FAT4: variants seen among roughly 807,000 people sequenced by gnomAD.
The protein encoded by FAT4 is protocadherin Fat 4.
FAT4 carries 84 observed loss-of-function variants against 303.9 expected under a neutral mutation model. That is an observed-to-expected ratio of 0.28 (90% CI 0.23 to 0.33). The LOEUF (loss-of-function observed/expected upper bound fraction) is 0.33, where lower values mean the gene tolerates loss of function less well. Among genes scored for constraint, FAT4 ranks in the 10% least tolerant of loss-of-function variants. The probability of loss-of-function intolerance (pLI) is 1.00; values close to 1 mark genes in which losing one functional copy is unlikely to be tolerated. For synonymous variants in FAT4, 2,307 were observed against 2,298.8 expected, an observed-to-expected ratio of 1.00 and a Z score of -0.10; for missense variants, 6,005 against 6,146.8, an observed-to-expected ratio of 0.98 and a Z score of 0.77.
chr4:125,365,460 T>C (rs9307562), intron 2 of FAT4, among the ~76,000 whole-genome samples: 5,640 of 152,298 alleles, frequency 0.037, 336 homozygotes, highest in African/African-American at 0.13. Context: ...TGTAAATAAA[T>C]GGTGAAGTCT....
rs769768427 is a variant in FAT4, at chr4:125,319,762, G to A, written c.3351G>A (p.Ser1117=). ...FYFEEEQRAG[S]FVGKVSAVDK... ...TCGAAGAAGAGCAGAGGGCTGGGTCGTTTGTGGGCAAAGTAAGTGCTGTAG... is the reference window on the plus strand; with the variant it reads ...TCGAAGAAGAGCAGAGGGCTGGGTCATTTGTGGGCAAAGTAAGTGCTGTAG... The change falls in exon 2 of 18, where the codon TCG becomes TCA. Residue 1117 remains serine (S), a synonymous_variant. Coordinates refer to ENST00000394329, the MANE Select transcript of FAT4 (RefSeq NM_001291303.3). The A allele has an allele frequency of 3.3e-5, 53 of 1,614,076 alleles. No homozygotes were observed. The highest frequency in any genetic ancestry group is 6.7e-5 in the East Asian group (3 of 44,896).
intron 2 of FAT4, among the ~76,000 whole-genome samples, chr4:125,396,920 GTGTGTGTATATATATATATATATATA>G (rs1560797346): frequency 6.8e-5 from 2 of 29,576 alleles, no homozygotes; most frequent in Non-Finnish European, 1.1e-4. Flanking sequence ...ATGTGTATGT[GTGTGTGTATATATATATATATATATA>G]TATATATATA....
intron 2 of FAT4, among the ~76,000 whole-genome samples, chr4:125,381,914 A>G (rs891519360): frequency 1.3e-5 from 2 of 152,290 alleles, no homozygotes; most frequent in East Asian, 3.9e-4. Context: ...CTTCACCAGG[A>G]ATAGGTTCCA....
rs1730837763 is a variant in FAT4, at chr4:125,319,637, G to A, written c.3226G>A (p.Ala1076Thr). Residue 1076 changes from alanine to threonine, a missense_variant, in exon 2 of 18, where the codon GCA becomes ACA. Coordinates refer to ENST00000394329, the MANE Select transcript of FAT4 (RefSeq NM_001291303.3). The stretch of plus-strand genomic sequence containing the variant: ...TTTAATGGTTGTTGCTTCTGACAGA[G>A]CAGTGGAACCCCTTAGTGCTACTGT... ...YVLMVVASDR[A>T]VEPLSATVNV... 1.2e-6 allele frequency: 2 copies of A among 1,613,990 alleles called. No individual in the cohort carries two copies. The highest frequency in any genetic ancestry group is 4.5e-5 in the East Asian group (2 of 44,882).
At chr4:125,331,560 T>C (rs1171024641) in intron 2 of FAT4, among the ~76,000 whole-genome samples, 1 of 152,212 alleles carries the variant, frequency 6.6e-6, no homozygotes, top group Non-Finnish European at 1.5e-5. Flanking sequence ...ACTAATGCTA[T>C]AGATGTTTTG....
chr4:125,432,383 G>T (rs1312048203), intron 7 of FAT4, among the ~76,000 whole-genome samples: 1 of 152,198 alleles, frequency 6.6e-6, no homozygotes, highest in Non-Finnish European at 1.5e-5. Flanking sequence ...GATTTATGGG[G>T]ATTAGATAAG....
Position 125,415,720 on chromosome 4 carries a change from A to C in FAT4, c.6757A>C (p.Asn2253His). 6.2e-7 allele frequency: 1 copy of C among 1,613,992 alleles called. No homozygotes were observed. The highest frequency in any genetic ancestry group is 1.7e-4 in the Middle Eastern group (1 of 6,058). The stretch of plus-strand genomic sequence containing the variant: ...GGTCAGCATTGTTCTACTGGATATT[A>C]ATGACTTTGTTCCTGTATTTGAGCT... ...STVSIVLLDI[N>H]DFVPVFELSP... The change falls in exon 6 of 18, where the codon AAT becomes CAT. Residue 2253 changes from asparagine to histidine, a missense_variant. By Grantham distance (68) the Asn-to-His change is moderately conservative (BLOSUM62 1). Coordinates refer to ENST00000394329, the MANE Select transcript of FAT4 (RefSeq NM_001291303.3).
intron 8 of FAT4, among the ~76,000 whole-genome samples, chr4:125,443,787 G>A (rs1231394770): frequency 6.6e-6 from 1 of 152,110 alleles, no homozygotes; most frequent in Non-Finnish European, 1.5e-5. Flanking sequence ...GGCCAGAGAA[G>A]CAAGAGAGGT....
At chr4:125,370,362 T>C (rs1029937151) in intron 2 of FAT4, among the ~76,000 whole-genome samples, 4 of 152,208 alleles carry the variant, frequency 2.6e-5, no homozygotes, top group Non-Finnish European at 5.9e-5. Flanking sequence ...GAGATTGTGA[T>C]ACATATGACA....
chr4:125,379,069 G>A (rs1357507322), intron 2 of FAT4, among the ~76,000 whole-genome samples: 1 of 152,096 alleles, frequency 6.6e-6, no homozygotes, highest in Non-Finnish European at 1.5e-5. Context: ...ATAGTAAATG[G>A]TTATTGGTCC....
At chr4:125,382,530 G>A (rs895437621) in intron 2 of FAT4, among the ~76,000 whole-genome samples, 1 of 152,172 alleles carries the variant, frequency 6.6e-6, no homozygotes, top group Non-Finnish European at 1.5e-5. Context: ...AACATTTGCT[G>A]TCATCCAGGG....
chr4:125,361,802 T>C (rs1732683479), intron 2 of FAT4, among the ~76,000 whole-genome samples: 1 of 152,154 alleles, frequency 6.6e-6, no homozygotes, highest in Non-Finnish European at 1.5e-5. Context: ...TTCTATGTCT[T>C]CCTACGTCAG....
In FAT4 at chr4:125,444,631, G is replaced by T. The variant is rs140142238; in HGVS notation, c.7200-1662G>T. On this transcript the variant is annotated intron_variant, in intron 8 of 17. Coordinates refer to ENST00000394329, the MANE Select transcript of FAT4 (RefSeq NM_001291303.3). ...CACATTACGCTTAATAATACACCAT[G>T]GTCTTGGCATATACAAAACATCCAG... Among the ~76,000 whole-genome samples, 310 of 151,230 alleles carry T rather than the reference G, an allele frequency of 2.0e-3. 2 individuals are homozygous for T. Among genetic ancestry groups the T allele is most frequent in the African/African-American group, 6.8e-3 (282 of 41,186 alleles).
intron 2 of FAT4, among the ~76,000 whole-genome samples, chr4:125,344,810 C>G (rs1262583818): frequency 1.3e-5 from 2 of 151,946 alleles, no homozygotes; most frequent in Non-Finnish European, 2.9e-5. Context: ...TTCTAACTGT[C>G]CCCCCTGCCC....
intron 3 of FAT4, among the ~76,000 whole-genome samples, chr4:125,403,429 C>A (rs1447600300): frequency 6.6e-6 from 1 of 152,060 alleles, no homozygotes; most frequent in African/African-American, 2.4e-5. Context: ...TCTCTTCCTT[C>A]TTCTTCTGCC....
Position 125,451,199 on chromosome 4 carries a change from G to C in FAT4, c.10189G>C (p.Val3397Leu). 1 of 1,614,066 alleles carries C rather than the reference G, an allele frequency of 6.2e-7. No homozygotes were observed. Among genetic ancestry groups the C allele is most frequent in the Non-Finnish European group, 8.5e-7 (1 of 1,180,006 alleles). ...DIDEVTVNVT[V>L]LDANDPPIFT... is the part of the protein sequence containing the mutation. ...AGATGAGGTCACTGTAAATGTCACC[G>C]TGCTTGATGCAAATGACCCACCCAT... Residue 3397 changes from valine to leucine, a missense_variant, in exon 10 of 18, where the codon GTG (valine) becomes CTG (leucine). Transcript: ENST00000394329.
rs2126096733 is a variant in FAT4 at position 125,490,363 on chromosome 4, C to T, written c.13547C>T (p.Thr4516Ile). ...CCTGCCATCGTGGGCAGCTGCGCAACCGTCTTGGCCCTCCTGGTCCTTAGC... is the reference window on the plus strand; with the variant it reads ...CCTGCCATCGTGGGCAGCTGCGCAATCGTCTTGGCCCTCCTGGTCCTTAGC... Reference protein sequence around the residue: ...AVPAIVGSCATVLALLVLSLI... With the variant: ...AVPAIVGSCAIVLALLVLSLI... The change falls in exon 18 of 18, where the codon ACC becomes ATC. Residue 4516 changes from threonine (T) to isoleucine (I), a missense_variant. Physicochemically the swap from Thr to Ile is moderately conservative, Grantham distance 89. Coordinates refer to ENST00000394329, the MANE Select transcript of FAT4 (RefSeq NM_001291303.3). 1 of 1,614,138 alleles carries T rather than the reference C, an allele frequency of 6.2e-7. No individual in the cohort carries two copies. Among genetic ancestry groups the T allele is most frequent in the Non-Finnish European group, 8.5e-7 (1 of 1,180,040 alleles).
At chr4:125,396,953 T>G (rs867359913) in intron 2 of FAT4, among the ~76,000 whole-genome samples, 44 of 91,080 alleles carry the variant, frequency 4.8e-4, no homozygotes, top group Middle Eastern at 7.5e-3. Flanking sequence ...TATATATATA[T>G]ATATATATAT....
At chr4:125,435,849 G>T (rs1474130275) in intron 8 of FAT4, among the ~76,000 whole-genome samples, 2 of 152,134 alleles carry the variant, frequency 1.3e-5, no homozygotes, top group Non-Finnish European at 2.9e-5. Flanking sequence ...TCTACATTTG[G>T]ATAGAATCTG....
Sources: gnomAD v4.1 joint callset for allele counts (sites outside exome capture counted in the v4.1 genomes callset) on GRCh38, gnomAD v4.1.1 for gene constraint, MANE v1.5 for transcripts, NCBI Gene and HGNC (gene_info 2026-07-23, HGNC 2026-07-21) for gene names.